PTPRG: variants seen among roughly 807,000 people sequenced by gnomAD.
PTPRG encodes the protein receptor-type tyrosine-protein phosphatase gamma.
A neutral mutation model predicts 165.3 loss-of-function variants in PTPRG; 102 were observed. The ratio of observed to expected loss-of-function variants is 0.62; its 90% CI spans 0.53 to 0.73. PTPRG has a LOEUF of 0.73. PTPRG is among the 30% of genes least tolerant of loss of function. PTPRG has a pLI of 0.00. For missense variants in PTPRG, 1,866 were observed against 1,861.4 expected (o/e 1.00, Z -0.05); for synonymous variants, 675 against 669.5 (o/e 1.01, Z -0.13).
intron 2 of PTPRG, 198 bp downstream of exon 2, chr3:61,749,180 C>T: frequency 1.5e-6 from 1 of 680,190 alleles, no homozygotes; most frequent in South Asian, 1.5e-5. Flanking sequence ...CACCTGTTTC[C>T]TCAACCTGTT....
chr3:62,093,225 A>G (rs1413302094), intron 5 of PTPRG, among the ~76,000 whole-genome samples: 1 of 152,198 alleles, frequency 6.6e-6, no homozygotes, highest in Non-Finnish European at 1.5e-5. Flanking sequence ...CCCGGCTCCT[A>G]TCAGGCTAGC....
At chr3:62,126,127 T>G (rs1293104718) in intron 5 of PTPRG, among the ~76,000 whole-genome samples, 1 of 152,214 alleles carries the variant, frequency 6.6e-6, no homozygotes, top group Non-Finnish European at 1.5e-5. Flanking sequence ...ATCTGCCATT[T>G]TGTACGGATT....
intron 14 of PTPRG, among the ~76,000 whole-genome samples, chr3:62,239,535 A>G (rs1701111430): frequency 6.6e-6 from 1 of 151,372 alleles, no homozygotes; most frequent in African/African-American, 2.4e-5. Flanking sequence ...ACACCTGCCT[A>G]ATTTTTGTAT....
chr3:62,148,245 A>T (rs1024983221), intron 6 of PTPRG, among the ~76,000 whole-genome samples: 1 of 152,102 alleles, frequency 6.6e-6, no homozygotes, highest in African/African-American at 2.4e-5. Context: ...ATCTCTATGG[A>T]GGGTGGTGGG....
chr3:61,606,548 A>G (rs769079828), intron 1 of PTPRG, among the ~76,000 whole-genome samples: 9 of 152,214 alleles, frequency 5.9e-5, no homozygotes, highest in South Asian at 4.1e-4. Flanking sequence ...TGGTGTCCCA[A>G]TGTCAGTCCA....
intron 1 of PTPRG, among the ~76,000 whole-genome samples, chr3:61,674,205 C>T (rs560780526): frequency 6.6e-6 from 1 of 151,720 alleles, no homozygotes; most frequent in South Asian, 2.1e-4. Context: ...AGAAACATGG[C>T]TTTGCATGAG....
chr3:61,938,446 G>T (rs1370594157), intron 2 of PTPRG, among the ~76,000 whole-genome samples: 3 of 152,048 alleles, frequency 2.0e-5, no homozygotes, highest in Non-Finnish European at 4.4e-5. Context: ...GATGTAAATT[G>T]AAATTTATTA....
At chr3:61,598,838 G>T (rs1700767487) in intron 1 of PTPRG, among the ~76,000 whole-genome samples, 1 of 152,004 alleles carries the variant, frequency 6.6e-6, no homozygotes, top group East Asian at 1.9e-4. Flanking sequence ...ACATTCTTTG[G>T]CCCGCGGAAG....
chr3:61,792,153 G>A (rs1321348035), intron 2 of PTPRG, among the ~76,000 whole-genome samples: 1 of 151,966 alleles, frequency 6.6e-6, no homozygotes, highest in Non-Finnish European at 1.5e-5. Flanking sequence ...CACCAAAGGG[G>A]ACTCTGGCAG....
rs771852080 is a variant in PTPRG, at chr3:62,231,203, CTT to C, written c.2289-19_2289-18del. ...AAATACTGTATTCTACACCTGTTCT[CTT>C]TTGTTTTTTGTCCATTTAGAGGGTG... On this transcript the variant is annotated intron_variant, in intron 13 of 29. Transcript: ENST00000474889. The C allele has an allele frequency of 6.6e-7, 1 of 1,520,496 alleles. No homozygotes were observed. The highest frequency in any genetic ancestry group is 1.3e-5 in the South Asian group (1 of 75,798). 94.2% of individuals were successfully genotyped at this position (1,520,496 alleles called of 1,614,324 possible).
chr3:61,725,652 C>T (rs1317515379), intron 1 of PTPRG, among the ~76,000 whole-genome samples: 1 of 151,506 alleles, frequency 6.6e-6, no homozygotes, highest in Admixed American at 6.6e-5. Context: ...ATTCTACCCA[C>T]TCTATTCTTC....
chr3:62,168,940 A>C (rs904494036), intron 8 of PTPRG, among the ~76,000 whole-genome samples: 1 of 152,102 alleles, frequency 6.6e-6, no homozygotes, highest in Non-Finnish European at 1.5e-5. Context: ...AAGGGGTATC[A>C]AGTGAGAAGA....
Position 61,945,560 on chromosome 3 carries a change from C to CAAAAAAAA in PTPRG, c.191-44043_191-44036dup, listed in dbSNP as rs71123242. Among the ~76,000 whole-genome samples the CAAAAAAAA allele has an allele frequency of 3.2e-3, 175 of 55,450 alleles. 1 individual carries two copies. Among genetic ancestry groups the CAAAAAAAA allele is most frequent in the South Asian group, 6.0e-3 (7 of 1,158 alleles). The allele number at this position is 55,450 out of a possible 152,430, so 36.4% of individuals were successfully genotyped here. A position where few individuals can be genotyped will look rare whatever the true frequency, so the allele number is the denominator to read the frequency against. ...GGCAATAGGAATGAAACTCCGTCAC[C>CAAAAAAAA]AAAAAAAAAAAAAAAAAAAAAAAAA... On this transcript the variant is annotated intron_variant, in intron 2 of 29. Transcript: ENST00000474889.
At chr3:61,732,828 C>T (rs986332143) in intron 1 of PTPRG, among the ~76,000 whole-genome samples, 4 of 152,186 alleles carry the variant, frequency 2.6e-5, no homozygotes, top group African/African-American at 9.7e-5. Flanking sequence ...ATCCCCACTG[C>T]TCAGTTAAAA....
chr3:61,994,813 TG>T (rs1214801064), intron 3 of PTPRG, among the ~76,000 whole-genome samples: 5 of 152,162 alleles, frequency 3.3e-5, no homozygotes, highest in Non-Finnish European at 5.9e-5. Context: ...CCAAGCTAAG[TG>T]TTGGAGGAGG....
intron 3 of PTPRG, among the ~76,000 whole-genome samples, chr3:62,000,663 AC>A (rs2041152009): frequency 6.6e-6 from 1 of 152,054 alleles, no homozygotes; most frequent in African/African-American, 2.4e-5. Flanking sequence ...TATTTGAGCC[AC>A]CCCCGCTCTT....
At chr3:61,823,200 T>C (rs2036006862) in intron 2 of PTPRG, among the ~76,000 whole-genome samples, 1 of 152,140 alleles carries the variant, frequency 6.6e-6, no homozygotes, top group East Asian at 1.9e-4. Flanking sequence ...GTTTGTTTGT[T>C]TTTGTTTTGA....
In PTPRG at chr3:61,930,040, A is replaced by ATTTT. The variant is rs11437496; in HGVS notation, c.191-59573_191-59570dup. On this transcript the variant is annotated intron_variant, in intron 2 of 29. Transcript: ENST00000474889. Reference sequence around the variant, plus strand: ...ATGGTAGAATAACAGATAATGCGGTATTTTTTTTTTTTTTTGCTTTTTACT... The same window carrying ATTTT: ...ATGGTAGAATAACAGATAATGCGGTATTTTTTTTTTTTTTTTTTTGCTTTTTACT... Among the ~76,000 whole-genome samples, 25 of 137,094 alleles carry ATTTT rather than the reference A, an allele frequency of 1.8e-4. No individual in the cohort carries two copies. The South Asian group carries it at 3.7e-3, about 20-fold the overall frequency. 89.9% of individuals were successfully genotyped at this position (137,094 alleles called of 152,430 possible).
At chr3:61,722,526 C>T (rs982134705) in intron 1 of PTPRG, among the ~76,000 whole-genome samples, 14 of 152,156 alleles carry the variant, frequency 9.2e-5, no homozygotes, top group Non-Finnish European at 1.8e-4. Context: ...CAGGATGGGG[C>T]ATCCAGCCCA....
Sources: allele counts gnomAD v4.1 joint callset (sites outside exome capture counted in the v4.1 genomes callset), GRCh38; gene constraint gnomAD v4.1.1; transcripts MANE v1.5; gene names NCBI Gene and HGNC (gene_info 2026-07-23, HGNC 2026-07-21).